The following PXMP2 variants were observed in gnomAD, a reference collection of about 807,000 sequenced individuals.
The protein encoded by PXMP2 is 22 kDa peroxisomal membrane protein.
PXMP2 carries 13 observed loss-of-function variants against 20.2 expected under a neutral mutation model. The ratio of observed to expected loss-of-function variants is 0.64; its 90% CI spans 0.42 to 1.02. The LOEUF (loss-of-function observed/expected upper bound fraction) is 1.02, where lower values mean the gene tolerates loss of function less well. Among genes scored for constraint, PXMP2 ranks in the 50% least tolerant of loss-of-function variants. The pLI is 0.00. For missense variants in PXMP2, 284 were observed against 251.8 expected, an observed-to-expected ratio of 1.13 and a Z score of -0.87; for synonymous variants, 113 against 111.2, an observed-to-expected ratio of 1.02 and a Z score of -0.10.
At chr12:132,692,392 T>A (rs74540814) in intron 2 of PXMP2, among the ~76,000 whole-genome samples, 2 of 68,818 alleles carry the variant, frequency 2.9e-5, no homozygotes, top group Admixed American at 1.4e-4. Flanking sequence ...GTTAGTGAGC[T>A]CCCTTAGCCA....
chr12:132,687,646 C>T lies in PXMP2; in HGVS notation c.-25C>T, dbSNP rs1593100049. 22 of 1,155,092 alleles carry T rather than the reference C, an allele frequency of 1.9e-5. No homozygotes were observed. The East Asian group carries it at 5.8e-4, about 30-fold the overall frequency. The allele number at this position is 1,155,092 out of a possible 1,614,324, so 71.6% of individuals were successfully genotyped here. On this transcript the variant is annotated 5_prime_UTR_variant, in exon 1 of 5. Transcript: ENST00000317479. ...CCAGCCTGAGGTGGGGTCGGTGCCCCCGGCGGCACGGCGCTGGGGAGGCGA... is the reference window on the plus strand; with the variant it reads ...CCAGCCTGAGGTGGGGTCGGTGCCCTCGGCGGCACGGCGCTGGGGAGGCGA...
At position 132,696,898 on chromosome 12, in the gene PXMP2, C is replaced by T. The variant is rs2043412988; in HGVS notation, c.399+852C>T. On this transcript the variant is annotated intron_variant, in intron 3 of 4. Coordinates refer to ENST00000317479, the MANE Select transcript of PXMP2 (RefSeq NM_018663.3). The surrounding 1 kb of genome is among the most constrained non-coding windows in gnomAD (Gnocchi z 4.4). Reference sequence around the variant, plus strand: ...GCTGAGGCAGGAGAATCGCTTGAAGCCGGGAGGTGGAGGTTGTGGTGAGCT... The same window carrying T: ...GCTGAGGCAGGAGAATCGCTTGAAGTCGGGAGGTGGAGGTTGTGGTGAGCT... Among the ~76,000 whole-genome samples the T allele has an allele frequency of 6.6e-6, 1 of 152,080 alleles. No individual in the cohort carries two copies. The highest frequency in any genetic ancestry group is 2.4e-5 in the African/African-American group (1 of 41,430).
chr12:132,692,901 T>TGCC (rs2043380295), intron 2 of PXMP2, among the ~76,000 whole-genome samples: 2 of 90,318 alleles, frequency 2.2e-5, no homozygotes, highest in Non-Finnish European at 5.0e-5. Flanking sequence ...TGAGCTCCCT[T>TGCC]AGTCAGTTAG....
chr12:132,696,974 C>CAA lies in PXMP2; in HGVS notation c.399+937_399+938dup, dbSNP rs111924440. Among the ~76,000 whole-genome samples the CAA allele has an allele frequency of 7.2e-6, 1 of 139,584 alleles. No individual in the cohort carries two copies. The highest frequency in any genetic ancestry group is 2.6e-5 in the African/African-American group (1 of 37,748). 91.6% of individuals were successfully genotyped at this position (139,584 alleles called of 152,430 possible). A position where few individuals can be genotyped will look rare whatever the true frequency, so the allele number is the denominator to read the frequency against. On this transcript the variant is annotated intron_variant, in intron 3 of 4. Transcript: ENST00000317479. The surrounding 1 kb of genome is among the most constrained non-coding windows in gnomAD (Gnocchi z 4.4). ...TGGGCAACAGAGCAAGACTCTGCCTCAAAAAAAAAAGAAAAAAGAAAAAAG... is the reference window on the plus strand; with the variant it reads ...TGGGCAACAGAGCAAGACTCTGCCTCAAAAAAAAAAAAGAAAAAAGAAAAAAG...
rs564296716 is a variant in PXMP2, at chr12:132,695,751, A to G, written c.237-133A>G. The G allele has an allele frequency of 5.0e-5, 47 of 931,102 alleles. No homozygotes were observed. The African/African-American group carries it at 7.5e-4, about 15-fold the overall frequency. 57.7% of individuals were successfully genotyped at this position (931,102 alleles called of 1,614,324 possible). A position where few individuals can be genotyped will look rare whatever the true frequency, so the allele number is the denominator to read the frequency against. Reference sequence around the variant, plus strand: ...GCGCCCCTGAAGCCGACTTATCTGTACAGACCTGTGTGGCCAATACTGAGG... The same window carrying G: ...GCGCCCCTGAAGCCGACTTATCTGTGCAGACCTGTGTGGCCAATACTGAGG... On this transcript the variant is annotated intron_variant, in intron 2 of 4. Coordinates refer to ENST00000317479, the MANE Select transcript of PXMP2 (RefSeq NM_018663.3).
intron 3 of PXMP2, among the ~76,000 whole-genome samples, chr12:132,697,387 G>A (rs1378837891): frequency 7.5e-6 from 1 of 133,076 alleles, no homozygotes; most frequent in Non-Finnish European, 1.7e-5. Flanking sequence ...TTCCTTTGTA[G>A]TCCTATTTTA....
At position 132,694,403 on chromosome 12, in the gene PXMP2, C is replaced by T. The variant is rs1487703850; in HGVS notation, c.237-1481C>T. ...GCGCCCTTGCCAGTTAGTTAGTGAGCGCCCTTGCCAGTTAGTGAGCTCCCT... is the reference window on the plus strand; with the variant it reads ...GCGCCCTTGCCAGTTAGTTAGTGAGTGCCCTTGCCAGTTAGTGAGCTCCCT... On this transcript the variant is annotated intron_variant, in intron 2 of 4. Transcript: ENST00000317479. Among the ~76,000 whole-genome samples the T allele has an allele frequency of 1.6e-4, 15 of 92,468 alleles. 3 individuals carry two copies. Among genetic ancestry groups the T allele is most frequent in the Admixed American group, 5.2e-4 (5 of 9,540 alleles). 60.7% of individuals were successfully genotyped at this position (92,468 alleles called of 152,430 possible).
intron 4 of PXMP2, chr12:132,702,659 G>A (rs2043449372): frequency 1.0e-5 from 2 of 194,168 alleles, no homozygotes; most frequent in African/African-American, 2.4e-5. Context: ...CAGCAGCTGT[G>A]TGGAGCCTGC....
At chr12:132,702,462 G>A in intron 4 of PXMP2, 1 of 405,422 alleles carries the variant, frequency 2.5e-6, no homozygotes, top group Middle Eastern at 3.5e-4. Context: ...ACACTGGGAG[G>A]ATGGGGTGCA....
chr12:132,692,654 T>A (rs61952126), intron 2 of PXMP2, among the ~76,000 whole-genome samples: 19,141 of 99,680 alleles, frequency 0.19, 1,250 homozygotes, highest in Non-Finnish European at 0.27. Context: ...AGCCAGTTAG[T>A]TAGTGAGCGC....
At chr12:132,701,460 CCTCTTCTTTTCTCTT>C (rs2043441381) in intron 4 of PXMP2, 91 bp downstream of exon 4, 2 of 1,489,772 alleles carry the variant, frequency 1.3e-6, no homozygotes, top group African/African-American at 2.8e-5. Context: ...CCCTCCCTCC[CCTCTTCTTTTCTCTT>C]CTCTTCTTTC....
chr12:132,700,469 G>GT lies in PXMP2; in HGVS notation c.400-776dup, dbSNP rs201729695. On this transcript the variant is annotated intron_variant, in intron 3 of 4. Transcript: ENST00000317479. Reference sequence around the variant, plus strand: ...TTTTTCATATGTTTCTTGGCCACTTGTTTTTCTTCTTTTGAAAAATGTTTG... The same window carrying GT: ...TTTTTCATATGTTTCTTGGCCACTTGTTTTTTCTTCTTTTGAAAAATGTTTG... Among the ~76,000 whole-genome samples the GT allele has an allele frequency of 1.1e-3, 161 of 152,154 alleles. 3 individuals are homozygous for GT. The East Asian group carries it at 0.025, about 23-fold the overall frequency.
At chr12:132,692,462 T>A (rs2136060785) in intron 2 of PXMP2, among the ~76,000 whole-genome samples, 1 of 101,034 alleles carries the variant, frequency 9.9e-6, no homozygotes, top group East Asian at 2.6e-4. Context: ...AGTTAGTTAG[T>A]GAGCTCCCTT....
chr12:132,695,363 C>A (rs1239626390), intron 2 of PXMP2, among the ~76,000 whole-genome samples: 1 of 152,248 alleles, frequency 6.6e-6, no homozygotes, highest in African/African-American at 2.4e-5. Context: ...TGCCAGTTAG[C>A]CTAGTGAGTT....
chr12:132,692,564 A>G (rs34670772), intron 2 of PXMP2, among the ~76,000 whole-genome samples: 1,708 of 42,320 alleles, frequency 0.04, 162 homozygotes, highest in African/African-American at 0.14. Flanking sequence ...GTTAGTGAGC[A>G]CCCTTGCCAG....
At chr12:132,691,979 A>C (rs952301167) in intron 2 of PXMP2, among the ~76,000 whole-genome samples, 4 of 152,152 alleles carry the variant, frequency 2.6e-5, no homozygotes, top group Non-Finnish European at 5.9e-5. Context: ...TTAGTTAGTG[A>C]GCTCCCTTGC....
chr12:132,694,187 G>T (rs1174729290), intron 2 of PXMP2, among the ~76,000 whole-genome samples: 11 of 118,748 alleles, frequency 9.3e-5, no homozygotes, highest in African/African-American at 2.9e-4. Context: ...CCCTTAGCTA[G>T]TTAGAGAGCT....
At chr12:132,689,628 T>C (rs1258618043) in intron 1 of PXMP2, among the ~76,000 whole-genome samples, 1 of 152,140 alleles carries the variant, frequency 6.6e-6, no homozygotes, top group East Asian at 1.9e-4. Flanking sequence ...AGAGAGCTTC[T>C]CAGAAGGCAA....
chr12:132,689,166 T>G (rs2043347706), intron 1 of PXMP2, among the ~76,000 whole-genome samples: 1 of 108,354 alleles, frequency 9.2e-6, no homozygotes, highest in Non-Finnish European at 1.8e-5. Context: ...GGGGAGCGGG[T>G]CTGCGGGGCA....
Sources: allele counts gnomAD v4.1 joint callset (sites outside exome capture counted in the v4.1 genomes callset), GRCh38; gene constraint gnomAD v4.1.1; non-coding constraint Gnocchi (gnomAD v3.1); transcripts MANE v1.5; gene names NCBI Gene and HGNC (gene_info 2026-07-23, HGNC 2026-07-21).